The following PABIR3 variants were observed in gnomAD, a reference collection of about 807,000 sequenced individuals.
PABIR3 encodes the protein PABIR family member 1.
In PABIR3, 20 loss-of-function variants were observed where a neutral mutation model predicts 23.1. The observed-to-expected ratio is 0.86, with a 90% CI of 0.61 to 1.26. The LOEUF (loss-of-function observed/expected upper bound fraction) is 1.26, where lower values mean the gene tolerates loss of function less well. Among genes scored for constraint, PABIR3 ranks in the 50% most tolerant of loss-of-function variants. The pLI is 0.00. For synonymous variants in PABIR3, 69 were observed against 68.5 expected (o/e 1.01, Z -0.04); for missense variants, 189 against 195.4 (o/e 0.97, Z 0.20).
chrX:134,819,088 C>T (rs2081139337), intron 3 of PABIR3, among the ~76,000 whole-genome samples: 1 of 108,117 alleles, frequency 9.2e-6, no homozygotes, highest in South Asian at 4.1e-4. Flanking sequence ...AGGCACGCGC[C>T]ACCACACCTG....
chrX:134,833,596 T>A (rs1236825507), intron 4 of PABIR3, among the ~76,000 whole-genome samples: 1 of 111,380 alleles, frequency 9.0e-6, no homozygotes, highest in Non-Finnish European at 1.9e-5. Flanking sequence ...TGTGCAGGTT[T>A]GTCACATAGG....
intron 4 of PABIR3, among the ~76,000 whole-genome samples, chrX:134,829,729 C>T (rs2081677790): frequency 1.8e-5 from 2 of 111,252 alleles, no homozygotes; most frequent in Admixed American, 1.9e-4. Context: ...CCCATGTGCA[C>T]GCATGCACGT....
chrX:134,822,482 C>T, intron 3 of PABIR3: 1 of 752,893 alleles, frequency 1.3e-6, no homozygotes, highest in Non-Finnish European at 1.6e-6. Context: ...ATCCTACCTA[C>T]CTCAGACATT....
chrX:134,797,631 C>G (rs1442885014), intron 1 of PABIR3, among the ~76,000 whole-genome samples: 1 of 110,598 alleles, frequency 9.0e-6, no homozygotes, highest in Non-Finnish European at 1.9e-5. Flanking sequence ...AAAAATAAAG[C>G]GAATATCATG....
chrX:134,850,779 A>T (rs1361946635), intron 9 of PABIR3, among the ~76,000 whole-genome samples: 1 of 111,804 alleles, frequency 8.9e-6, no homozygotes, highest in Non-Finnish European at 1.9e-5. Context: ...CGGAGATGTG[A>T]CCTGTCTCAC....
At chrX:134,821,275 C>T in intron 3 of PABIR3, 1 of 982,959 alleles carries the variant, frequency 1.0e-6, no homozygotes, top group Non-Finnish European at 1.3e-6. Context: ...AAACTGTTCC[C>T]TCACAATTAT....
In PABIR3 at chrX:134,849,240, T is replaced by A; in HGVS notation, c.589+12T>A. 1 of 767,415 alleles carries A rather than the reference T, an allele frequency of 1.3e-6. No individual in the cohort carries two copies. Among genetic ancestry groups the A allele is most frequent in the Non-Finnish European group, 1.7e-6 (1 of 589,504 alleles). The allele number at this position is 767,415 out of a possible 1,213,427, so 63.2% of individuals were successfully genotyped here. A position where few individuals can be genotyped will look rare whatever the true frequency, so the allele number is the denominator to read the frequency against. ...ATTAAAAAGAAAAGGTACTTTTATC[T>A]AACAGTAGAAGTAAATATAACTTTA... On this transcript the variant is annotated intron_variant, in intron 9 of 10. Transcript: ENST00000645433.
intron 2 of PABIR3, among the ~76,000 whole-genome samples, chrX:134,808,481 C>T (rs1221666959): frequency 9.0e-6 from 1 of 111,467 alleles, no homozygotes; most frequent in Non-Finnish European, 1.9e-5. Context: ...CCCGGGTTCA[C>T]GCCATTCTCC....
chrX:134,810,444 A>G, intron 2 of PABIR3: 1 of 754,733 alleles, frequency 1.3e-6, no homozygotes, highest in South Asian at 6.7e-5. Flanking sequence ...CAGAAACCAC[A>G]AAGTGGACGG....
At chrX:134,796,864 G>C (rs1400365468) in exon 1 of PABIR3, 3 of 112,134 alleles carry the variant, frequency 2.7e-5, no homozygotes, top group Admixed American at 1.9e-4. Flanking sequence ...CTGACAGTCG[G>C]GTAGGACCCG....
intron 3 of PABIR3, 75 bp downstream of exon 3, chrX:134,814,924 G>T: frequency 1.2e-6 from 1 of 814,252 alleles, no homozygotes; most frequent in South Asian, 2.9e-5. Flanking sequence ...CTTCAAACTT[G>T]AGCATTCACA....
chrX:134,848,821 G>A (rs2082524016), intron 8 of PABIR3, among the ~76,000 whole-genome samples: 1 of 111,367 alleles, frequency 9.0e-6, no homozygotes, highest in Admixed American at 9.6e-5. Context: ...GGCCAACATG[G>A]TGAAACCCTG....
At chrX:134,844,420 A>G (rs2082366988) in intron 4 of PABIR3, among the ~76,000 whole-genome samples, 1 of 110,621 alleles carries the variant, frequency 9.0e-6, no homozygotes. Context: ...TCTGTTGATC[A>G]CTTTGGGTGG....
At chrX:134,824,115 A>G (rs2081406654) in intron 3 of PABIR3, among the ~76,000 whole-genome samples, 1 of 111,946 alleles carries the variant, frequency 8.9e-6, no homozygotes, top group Admixed American at 9.6e-5. Flanking sequence ...AGCAAAAAAT[A>G]TGGCAACAGC....
intron 6 of PABIR3, among the ~76,000 whole-genome samples, chrX:134,846,909 ATCCT>A: frequency 8.9e-6 from 1 of 112,198 alleles, no homozygotes; most frequent in African/African-American, 3.2e-5. Flanking sequence ...AGATTTTAAA[ATCCT>A]GAATTATGAA....
At chrX:134,829,481 A>AT (rs1166515966) in intron 4 of PABIR3, among the ~76,000 whole-genome samples, 199 bp downstream of exon 4, 1 of 111,706 alleles carries the variant, frequency 9.0e-6, no homozygotes, top group East Asian at 2.8e-4. Flanking sequence ...TAATTAATTA[A>AT]TAATTTCTAG....
At chrX:134,807,737 C>A (rs1186175532) in intron 2 of PABIR3, 29 bp downstream of exon 2, 3 of 1,138,297 alleles carry the variant, frequency 2.6e-6, no homozygotes, top group Admixed American at 2.4e-5. Flanking sequence ...CTGGAGGAGG[C>A]AAGCGGTGGG....
chrX:134,857,677 G>C (rs1323591314), downstream of PABIR3, among the ~76,000 whole-genome samples: 1 of 111,062 alleles, frequency 9.0e-6, no homozygotes, highest in African/African-American at 3.3e-5. Context: ...TTAAACCTTA[G>C]ATATGTGTTC....
chrX:134,814,069 C>T (rs967119179), intron 2 of PABIR3, among the ~76,000 whole-genome samples: 2 of 110,368 alleles, frequency 1.8e-5, no homozygotes, highest in Non-Finnish European at 3.8e-5. Flanking sequence ...TGTGAAAAAT[C>T]TGAGTTCCAT....
Sources: allele counts gnomAD v4.1 joint callset (sites outside exome capture counted in the v4.1 genomes callset), GRCh38; gene constraint gnomAD v4.1.1; transcripts MANE v1.5; gene names NCBI Gene and HGNC (gene_info 2026-07-23, HGNC 2026-07-21).